The following DOCK10 variants were observed in gnomAD, a reference collection of about 807,000 sequenced individuals.
DOCK10 encodes the protein dedicator of cytokinesis protein 10.
Under a neutral mutation model 280.1 loss-of-function variants are expected in DOCK10, and 145 were observed. The ratio of observed to expected loss-of-function variants is 0.52; its 90% CI spans 0.45 to 0.59. The LOEUF (loss-of-function observed/expected upper bound fraction) is 0.59, where lower values mean the gene tolerates loss of function less well. Ranked by LOEUF, DOCK10 falls within the 20% of genes least tolerant of loss-of-function variation. The probability of loss-of-function intolerance (pLI) is 0.00; values close to 1 mark genes in which losing one functional copy is unlikely to be tolerated. For missense variants in DOCK10, 2,368 were observed against 2,651.7 expected (o/e 0.89, Z 2.35); for synonymous variants, 915 against 942.2 (o/e 0.97, Z 0.53).
intron 2 of DOCK10, among the ~76,000 whole-genome samples, chr2:224,921,403 TG>T (rs1701746003): frequency 1.3e-5 from 2 of 151,746 alleles, no homozygotes; most frequent in African/African-American, 4.9e-5. Context: ...AATGTAGGCT[TG>T]GGTTCCCCAT....
intron 55 of DOCK10, chr2:224,768,943 C>A: frequency 2.2e-6 from 1 of 456,542 alleles, no homozygotes; most frequent in Non-Finnish European, 4.4e-6. Context: ...CGGACCTCGA[C>A]AGAGCTGCCA....
Position 225,035,581 on chromosome 2 carries a change from T to C in DOCK10, c.123+6671A>G, listed in dbSNP as rs1260025453. On this transcript the variant is annotated intron_variant, in intron 1 of 55. Transcript: ENST00000258390. ...ATATATATATATATATATATATATATATATATAACACTGAATCAGTGTTAA... is the reference window on the plus strand; with the variant it reads ...ATATATATATATATATATATATATACATATATAACACTGAATCAGTGTTAA... Among the ~76,000 whole-genome samples the C allele has an allele frequency of 2.2e-4, 25 of 111,884 alleles. 1 individual carries two copies. Among genetic ancestry groups the C allele is most frequent in the African/African-American group, 6.9e-4 (16 of 23,242 alleles). 73.4% of individuals were successfully genotyped at this position (111,884 alleles called of 152,430 possible). A position where few individuals can be genotyped will look rare whatever the true frequency, so the allele number is the denominator to read the frequency against.
intron 27 of DOCK10, among the ~76,000 whole-genome samples, chr2:224,824,429 CT>C (rs869275800): frequency 1.2e-3 from 76 of 63,584 alleles, no homozygotes; most frequent in South Asian, 1.5e-3. Context: ...TCAGACTCTG[CT>C]TTTTTTTTTT....
At chr2:224,837,535 T>C (rs1695668486) in intron 25 of DOCK10, among the ~76,000 whole-genome samples, 1 of 152,234 alleles carries the variant, frequency 6.6e-6, no homozygotes, top group Non-Finnish European at 1.5e-5. Flanking sequence ...TCTCTCCCCA[T>C]TTAATTATTT....
intron 11 of DOCK10, among the ~76,000 whole-genome samples, chr2:224,871,780 C>G (rs146990259): frequency 6.6e-6 from 1 of 152,188 alleles, no homozygotes; most frequent in Non-Finnish European, 1.5e-5. Flanking sequence ...GCCGAGAGGG[C>G]CTTCCATGAC....
intron 51 of DOCK10, among the ~76,000 whole-genome samples, chr2:224,777,892 C>G (rs1330384415): frequency 6.6e-6 from 1 of 152,172 alleles, no homozygotes; most frequent in Non-Finnish European, 1.5e-5. Flanking sequence ...TATTCAAATG[C>G]AAATAACCAA....
At chr2:225,023,704 A>G (rs531926127) in intron 1 of DOCK10, among the ~76,000 whole-genome samples, 2 of 152,360 alleles carry the variant, frequency 1.3e-5, no homozygotes, top group South Asian at 2.1e-4. Flanking sequence ...GCACACCAAG[A>G]GATGGGGAAA....
At chr2:225,039,186 A>G (rs181893167) in intron 1 of DOCK10, among the ~76,000 whole-genome samples, 13 of 152,356 alleles carry the variant, frequency 8.5e-5, no homozygotes, top group Non-Finnish European at 1.3e-4. Context: ...TGAAGCCAAC[A>G]TGGTATGTAT....
At chr2:224,868,377 A>G (rs1193123038) in intron 11 of DOCK10, among the ~76,000 whole-genome samples, 1 of 152,248 alleles carries the variant, frequency 6.6e-6, no homozygotes, top group African/African-American at 2.4e-5. Flanking sequence ...ACATATATGT[A>G]GTTACACATT....
At chr2:224,773,448 T>G (rs145057546) in intron 52 of DOCK10, 101 bp from the exon 53 acceptor site, 10 of 1,044,738 alleles carry the variant, frequency 9.6e-6, no homozygotes, top group South Asian at 4.7e-5. Flanking sequence ...TCACGGCACA[T>G]GGCACCTTCC....
intron 3 of DOCK10, among the ~76,000 whole-genome samples, chr2:224,910,973 TCC>T (rs141158847): frequency 1.7e-4 from 21 of 127,056 alleles, no homozygotes; most frequent in East Asian, 4.5e-4. Flanking sequence ...CCTTTCTCTC[TCC>T]CTTTTTTTTT....
chr2:224,982,329 G>A (rs1705794477), intron 1 of DOCK10: 1 of 1,231,976 alleles, frequency 8.1e-7, no homozygotes, highest in Non-Finnish European at 1.0e-6. Flanking sequence ...ACCACAGAAC[G>A]AAAAGCTTGA....
At chr2:224,894,472 T>G (rs1052541656) in intron 4 of DOCK10, among the ~76,000 whole-genome samples, 2 of 152,216 alleles carry the variant, frequency 1.3e-5, no homozygotes, top group African/African-American at 4.8e-5. Flanking sequence ...TCTCCCAACT[T>G]CCGAGTTGTA....
chr2:224,769,055 A>G (rs1250715472), intron 55 of DOCK10: 1 of 397,626 alleles, frequency 2.5e-6, no homozygotes, highest in Non-Finnish European at 4.9e-6. Flanking sequence ...TTTCAGATCC[A>G]TCATTTGTTC....
At position 224,844,835 on chromosome 2, in the gene DOCK10, C is replaced by G. The variant is rs771325130; in HGVS notation, c.2486G>C (p.Gly829Ala). The G allele has an allele frequency of 6.2e-7, 1 of 1,604,878 alleles. No individual in the cohort carries two copies. Among genetic ancestry groups the G allele is most frequent in the African/African-American group, 1.3e-5 (1 of 74,882 alleles). ...SFQDSASGKH[G>A]GSDIKWVDGG... ...ATCAACCCATTTAATGTCACTCCCACCATGCTGCAAAATAAAGTTTGTTTA... is the reference window on the plus strand; with the variant it reads ...ATCAACCCATTTAATGTCACTCCCAGCATGCTGCAAAATAAAGTTTGTTTA... The change falls in exon 22 of 56, where the codon GGT becomes GCT. Residue 829 changes from glycine to alanine, a missense_variant. Physicochemically the swap from Gly to Ala is moderately conservative, Grantham distance 60. This residue lies in a region of DOCK10 where 1,209 missense variants were observed against 1,250.9 expected (regional missense o/e 0.97). Coordinates refer to ENST00000258390, the MANE Select transcript of DOCK10 (RefSeq NM_014689.3).
At chr2:224,931,753 T>C (rs932714735) in intron 1 of DOCK10, 85 bp from the exon 2 acceptor site, 350 of 1,433,254 alleles carry the variant, frequency 2.4e-4, no homozygotes, top group Non-Finnish European at 3.1e-4. Context: ...CTCTTAGTTA[T>C]CATTGAGGCT....
chr2:224,768,869 T>TA (rs1428963346), intron 55 of DOCK10: 1 of 456,172 alleles, frequency 2.2e-6, no homozygotes, highest in Non-Finnish European at 4.4e-6. Context: ...AAGAAAAACA[T>TA]ACCACTTTTG....
At chr2:224,824,148 A>G (rs1156908989) in intron 27 of DOCK10, among the ~76,000 whole-genome samples, 1 of 152,236 alleles carries the variant, frequency 6.6e-6, no homozygotes, top group Non-Finnish European at 1.5e-5. Flanking sequence ...TGAATAACTG[A>G]ATGAATACAG....
intron 31 of DOCK10, among the ~76,000 whole-genome samples, chr2:224,811,316 A>G (rs1693756868): frequency 6.6e-6 from 1 of 152,096 alleles, no homozygotes; most frequent in South Asian, 2.1e-4. Flanking sequence ...TGCTTTGCCC[A>G]CTTTTTGATG....
Sources: allele counts gnomAD v4.1 joint callset (sites outside exome capture counted in the v4.1 genomes callset), GRCh38; gene constraint gnomAD v4.1.1; regional missense constraint gnomAD v4.1.1; transcripts MANE v1.5; gene names NCBI Gene and HGNC (gene_info 2026-07-23, HGNC 2026-07-21).